Variants in PDE4D observed in about 807,000 individuals in gnomAD.
PDE4D encodes 3',5'-cyclic-AMP phosphodiesterase 4D.
In PDE4D, 24 loss-of-function variants were observed where a neutral mutation model predicts 87.4. The observed-to-expected ratio is 0.27, with a 90% CI of 0.20 to 0.39. The LOEUF is 0.39. PDE4D is among the 10% of genes least tolerant of loss of function. The probability of loss-of-function intolerance (pLI) is 1.00; values close to 1 mark genes in which losing one functional copy is unlikely to be tolerated. For missense variants in PDE4D, 714 were observed against 1,041.0 expected (o/e 0.69, Z 4.32); for synonymous variants, 384 against 383.2 (o/e 1.00, Z -0.02).
chr5:60,040,283 T>C (rs16890459), intron 2 of PDE4D, among the ~76,000 whole-genome samples: 21,605 of 152,190 alleles, frequency 0.14, 1,585 homozygotes, highest in Middle Eastern at 0.22. Flanking sequence ...AAGACCAGTG[T>C]TGTCACATCA....
chr5:60,344,419 C>A (rs1489390435), intron 1 of PDE4D, among the ~76,000 whole-genome samples: 1 of 151,874 alleles, frequency 6.6e-6, no homozygotes, highest in African/African-American at 2.4e-5. Flanking sequence ...TATATCATGA[C>A]CTTCCTTAAC....
intron 1 of PDE4D, among the ~76,000 whole-genome samples, chr5:60,505,731 T>C (rs1009589410): frequency 2.6e-5 from 4 of 152,244 alleles, no homozygotes; most frequent in Non-Finnish European, 4.4e-5. Context: ...CTTAAAAATG[T>C]TCATCCTATA....
intron 1 of PDE4D, among the ~76,000 whole-genome samples, chr5:59,705,290 A>G (rs1380721493): frequency 6.6e-6 from 1 of 152,186 alleles, no homozygotes; most frequent in Non-Finnish European, 1.5e-5. Context: ...TCCTTGAGTT[A>G]AAAGCCTACC....
At chr5:59,374,456 C>CAGA (rs1488068814) in intron 1 of PDE4D, among the ~76,000 whole-genome samples, 1 of 152,090 alleles carries the variant, frequency 6.6e-6, no homozygotes, top group Non-Finnish European at 1.5e-5. Flanking sequence ...GTAAAGGGTT[C>CAGA]AATTCAACAA....
chr5:59,592,560 T>C (rs1002661130), intron 1 of PDE4D, among the ~76,000 whole-genome samples: 13 of 152,200 alleles, frequency 8.5e-5, no homozygotes, highest in African/African-American at 2.7e-4. Context: ...TTTTGGATCA[T>C]ACTCCTCAAG....
At chr5:59,008,496 ATTC>A (rs1171812253) in intron 6 of PDE4D, among the ~76,000 whole-genome samples, 2 of 152,078 alleles carry the variant, frequency 1.3e-5, no homozygotes, top group East Asian at 1.9e-4. Flanking sequence ...GAGAAATGAT[ATTC>A]TTTTCAACAA....
chr5:59,176,899 G>A (rs562896079), intron 5 of PDE4D, among the ~76,000 whole-genome samples: 4 of 152,294 alleles, frequency 2.6e-5, no homozygotes, highest in African/African-American at 9.6e-5. Context: ...CTGGGAGCAG[G>A]AGGAGACCCC....
rs567353337 is a variant in PDE4D at position 59,566,183 on chromosome 5, C to T, written c.455+326985G>A. Among the ~76,000 whole-genome samples the T allele has an allele frequency of 6.6e-5, 10 of 152,190 alleles. No homozygotes were observed. In the East Asian group the frequency reaches 1.9e-3, roughly 29 times the overall value. On this transcript the variant is annotated intron_variant, in intron 1 of 14. Coordinates refer to ENST00000340635, the MANE Select transcript of PDE4D (RefSeq NM_001104631.2). ...CCATATTTTGACTTTAGAGGAAACACAGATGGGAAGTGCATTCTTGATCTT... is the reference window on the plus strand; with the variant it reads ...CCATATTTTGACTTTAGAGGAAACATAGATGGGAAGTGCATTCTTGATCTT...
At chr5:59,672,728 T>C (rs1747431329) in intron 1 of PDE4D, among the ~76,000 whole-genome samples, 2 of 152,152 alleles carry the variant, frequency 1.3e-5, no homozygotes, top group Admixed American at 1.3e-4. Flanking sequence ...AATCACCATA[T>C]AGAAAAAATG....
At chr5:60,183,142 T>C (rs977654993) in intron 2 of PDE4D, among the ~76,000 whole-genome samples, 2 of 152,166 alleles carry the variant, frequency 1.3e-5, no homozygotes, top group African/African-American at 4.8e-5. Flanking sequence ...CGGCAAGCCA[T>C]CAGCAAACCA....
intron 1 of PDE4D, among the ~76,000 whole-genome samples, chr5:60,475,565 C>T (rs1357275418): frequency 6.6e-6 from 1 of 152,060 alleles, no homozygotes; most frequent in African/African-American, 2.4e-5. Context: ...ATAAGGAAAA[C>T]AAAATATACC....
chr5:60,221,816 G>T (rs1461174519), intron 1 of PDE4D, among the ~76,000 whole-genome samples: 2 of 152,198 alleles, frequency 1.3e-5, no homozygotes, highest in East Asian at 3.9e-4. Flanking sequence ...TCCAATGTGT[G>T]AATATACTAC....
At chr5:59,952,214 A>G (rs999261196) in intron 3 of PDE4D, among the ~76,000 whole-genome samples, 1 of 152,074 alleles carries the variant, frequency 6.6e-6, no homozygotes, top group African/African-American at 2.4e-5. Flanking sequence ...CCATGATTGT[A>G]AGTTTCCTGA....
At chr5:60,060,485 A>T (rs1771272991) in intron 2 of PDE4D, among the ~76,000 whole-genome samples, 1 of 152,032 alleles carries the variant, frequency 6.6e-6, no homozygotes, top group Non-Finnish European at 1.5e-5. Flanking sequence ...TACTTTACCT[A>T]CTGTTACCAT....
At chr5:60,304,648 T>C (rs1754296120) in intron 1 of PDE4D, among the ~76,000 whole-genome samples, 1 of 84,884 alleles carries the variant, frequency 1.2e-5, no homozygotes, top group South Asian at 4.6e-4. Context: ...CGAGACTCCG[T>C]CTCAAAAAAA....
At chr5:59,454,251 C>T (rs920406157) in intron 1 of PDE4D, among the ~76,000 whole-genome samples, 2 of 152,146 alleles carry the variant, frequency 1.3e-5, no homozygotes, top group Admixed American at 6.5e-5. Flanking sequence ...TTGGCTGTGT[C>T]GCCACCCAAA....
intron 1 of PDE4D, among the ~76,000 whole-genome samples, chr5:59,444,741 G>A (rs1368970717): frequency 6.6e-6 from 1 of 152,148 alleles, no homozygotes; most frequent in Non-Finnish European, 1.5e-5. Flanking sequence ...GAACCTGGGA[G>A]GCGGAGCTTG....
intron 1 of PDE4D, among the ~76,000 whole-genome samples, chr5:60,333,801 C>A (rs1387114131): frequency 1.3e-5 from 2 of 152,124 alleles, no homozygotes; most frequent in African/African-American, 4.8e-5. Flanking sequence ...AAATCTCACC[C>A]ATTTCCACAA....
intron 1 of PDE4D, among the ~76,000 whole-genome samples, chr5:60,274,303 T>C (rs935988581): frequency 1.3e-5 from 2 of 151,680 alleles, no homozygotes; most frequent in Non-Finnish European, 2.9e-5. Flanking sequence ...ATCATCACTT[T>C]AGGTTTTATT....
Sources: gnomAD v4.1 joint callset for allele counts (sites outside exome capture counted in the v4.1 genomes callset) on GRCh38, gnomAD v4.1.1 for gene constraint, MANE v1.5 for transcripts, NCBI Gene and HGNC (gene_info 2026-07-23, HGNC 2026-07-21) for gene names.